EDIL3: variants seen among roughly 807,000 people sequenced by gnomAD.
EDIL3 encodes the protein EGF like and discoidin domains 3.
Under a neutral mutation model 67.4 loss-of-function variants are expected in EDIL3, and 37 were observed. That is an observed-to-expected ratio of 0.55 (90% CI 0.42 to 0.72). The LOEUF is 0.72. Among genes scored for constraint, EDIL3 ranks in the 30% least tolerant of loss-of-function variants. The pLI, the probability that EDIL3 is intolerant of heterozygous loss-of-function variation, is 0.00. For missense variants in EDIL3, 527 were observed against 586.3 expected, an observed-to-expected ratio of 0.90 and a Z score of 1.04; for synonymous variants, 195 against 196.3, an observed-to-expected ratio of 0.99 and a Z score of 0.05.
chr5:84,250,900 C>T (rs1162872308), intron 2 of EDIL3, among the ~76,000 whole-genome samples: 1 of 152,136 alleles, frequency 6.6e-6, no homozygotes, highest in Non-Finnish European at 1.5e-5. Context: ...ACATCTCTAT[C>T]TTTGTGGTAA....
At chr5:83,966,587 G>A (rs1458329275) in intron 9 of EDIL3, among the ~76,000 whole-genome samples, 2 of 152,002 alleles carry the variant, frequency 1.3e-5, no homozygotes, top group African/African-American at 4.8e-5. Flanking sequence ...GGAACTGGGT[G>A]GTTTGGGGTA....
chr5:84,176,293 A>AT (rs1208830605), intron 4 of EDIL3, among the ~76,000 whole-genome samples: 1 of 141,144 alleles, frequency 7.1e-6, no homozygotes, highest in African/African-American at 2.7e-5. Flanking sequence ...TTATATATAA[A>AT]ATATATTTCC....
chr5:84,237,394 CA>C lies in EDIL3; in HGVS notation c.197-7511del, dbSNP rs532337502. On this transcript the variant is annotated intron_variant, in intron 2 of 10. Transcript: ENST00000296591. Reference sequence around the variant, plus strand: ...AAGACTTAATGATTAAGAGTGTTGTCAAAAAAAAATCCATTGGTACAATGGG... The same window carrying C: ...AAGACTTAATGATTAAGAGTGTTGTCAAAAAAAATCCATTGGTACAATGGG... Among the ~76,000 whole-genome samples the C allele has an allele frequency of 8.7e-5, 13 of 150,200 alleles. 1 individual carries two copies. Among genetic ancestry groups the C allele is most frequent in the South Asian group, 6.3e-4 (3 of 4,766 alleles).
rs78933525 is a variant in EDIL3, at chr5:84,380,697, G to A, written c.67+3611C>T. ...TAATATATACAGTTCATCCCATTATGCAAAATCCTTCAAAAATGAAAAGTT... is the reference window on the plus strand; with the variant it reads ...TAATATATACAGTTCATCCCATTATACAAAATCCTTCAAAAATGAAAAGTT... On this transcript the variant is annotated intron_variant, in intron 1 of 10. Coordinates refer to ENST00000296591, the MANE Select transcript of EDIL3 (RefSeq NM_005711.5). Among the ~76,000 whole-genome samples, 1,320 of 152,054 alleles carry A rather than the reference G, an allele frequency of 8.7e-3. 13 individuals are homozygous for A. Among genetic ancestry groups the A allele is most frequent in the African/African-American group, 0.03 (1,253 of 41,520 alleles).
intron 2 of EDIL3, among the ~76,000 whole-genome samples, chr5:84,235,784 C>T (rs1296084545): frequency 1.3e-5 from 2 of 151,750 alleles, no homozygotes; most frequent in Admixed American, 6.6e-5. Flanking sequence ...TAAATATATA[C>T]ATAATTATAT....
chr5:84,086,903 T>C (rs73136203), intron 6 of EDIL3, among the ~76,000 whole-genome samples: 299 of 152,200 alleles, frequency 2.0e-3, no homozygotes, highest in African/African-American at 7.0e-3. Context: ...GATGGCAGCC[T>C]CTGAGTTCCT....
intron 9 of EDIL3, among the ~76,000 whole-genome samples, chr5:84,020,440 G>A (rs1745694372): frequency 6.6e-6 from 1 of 152,034 alleles, no homozygotes; most frequent in Admixed American, 6.6e-5. Context: ...GGCAGCTGTT[G>A]AGATGAGTCC....
At chr5:84,320,441 T>A (rs756806779) in intron 1 of EDIL3, among the ~76,000 whole-genome samples, 1 of 151,904 alleles carries the variant, frequency 6.6e-6, no homozygotes, top group Non-Finnish European at 1.5e-5. Context: ...CCTGGGAAGC[T>A]GTATATTCGC....
intron 3 of EDIL3, among the ~76,000 whole-genome samples, chr5:84,213,146 G>A (rs1425519091): frequency 6.6e-6 from 1 of 151,568 alleles, no homozygotes; most frequent in African/African-American, 2.4e-5. Context: ...TCAGACTGGT[G>A]ATTATCACTC....
chr5:84,207,556 C>T (rs1459909236), intron 3 of EDIL3, among the ~76,000 whole-genome samples: 2 of 151,888 alleles, frequency 1.3e-5, no homozygotes, highest in Admixed American at 6.6e-5. Flanking sequence ...CTTTAAAGTT[C>T]ATATGGAACC....
chr5:84,063,267 T>A (rs1191365129), intron 8 of EDIL3, among the ~76,000 whole-genome samples: 1 of 152,140 alleles, frequency 6.6e-6, no homozygotes, highest in African/African-American at 2.4e-5. Context: ...TCCTCTTGAT[T>A]GCTTTATGAT....
intron 6 of EDIL3, among the ~76,000 whole-genome samples, chr5:84,088,857 C>T (rs948848236): frequency 6.6e-6 from 1 of 152,044 alleles, no homozygotes; most frequent in Admixed American, 6.6e-5. Flanking sequence ...GGGAAAACAG[C>T]AGCAGTGGTA....
At chr5:84,205,876 T>C (rs1246755038) in intron 3 of EDIL3, among the ~76,000 whole-genome samples, 1 of 150,216 alleles carries the variant, frequency 6.7e-6, no homozygotes, top group African/African-American at 2.4e-5. Flanking sequence ...CCTGGATTCA[T>C]TAATTTTTTG....
At chr5:84,075,947 TTATATA>T (rs10546643) in intron 6 of EDIL3, among the ~76,000 whole-genome samples, 36 of 130,636 alleles carry the variant, frequency 2.8e-4, no homozygotes, top group African/African-American at 7.8e-4. Context: ...ATTGTGGGTT[TTATATA>T]TATATATATA....
intron 4 of EDIL3, among the ~76,000 whole-genome samples, chr5:84,138,495 T>C (rs1055675853): frequency 7.9e-5 from 12 of 152,180 alleles, no homozygotes; most frequent in Non-Finnish European, 1.5e-4. Flanking sequence ...TCTTAAAACA[T>C]TTTATTCCAG....
intron 6 of EDIL3, among the ~76,000 whole-genome samples, chr5:84,069,978 C>T (rs1278571343): frequency 1.3e-5 from 2 of 152,018 alleles, no homozygotes; most frequent in African/African-American, 2.4e-5. Context: ...CACCGACAGG[C>T]ACCGGTAGAC....
intron 8 of EDIL3, 125 bp from the exon 9 acceptor site, chr5:84,060,609 T>C: frequency 9.8e-7 from 1 of 1,024,968 alleles, no homozygotes; most frequent in Admixed American, 3.3e-5. Flanking sequence ...AGAGAAAACA[T>C]CTAAATCCAA....
chr5:84,346,571 T>C (rs1189596778), intron 1 of EDIL3, among the ~76,000 whole-genome samples: 1 of 152,186 alleles, frequency 6.6e-6, no homozygotes, highest in African/African-American at 2.4e-5. Context: ...CATTTTTAGT[T>C]TTGCCTGCTT....
At chr5:83,949,154 G>C (rs1744363621) in intron 10 of EDIL3, among the ~76,000 whole-genome samples, 1 of 151,776 alleles carries the variant, frequency 6.6e-6, no homozygotes, top group African/African-American at 2.4e-5. Context: ...TGGGGGATCA[G>C]CCTTCACTAC....
Sources: gnomAD v4.1 joint callset for allele counts (sites outside exome capture counted in the v4.1 genomes callset) on GRCh38, gnomAD v4.1.1 for gene constraint, MANE v1.5 for transcripts, NCBI Gene and HGNC (gene_info 2026-07-23, HGNC 2026-07-21) for gene names.